Variants in LSAMP observed in about 807,000 individuals in gnomAD.
The protein encoded by LSAMP is limbic system associated membrane protein, also known as limbic system-associated membrane protein.
Under a neutral mutation model 38.6 loss-of-function variants are expected in LSAMP, and 7 were observed. That is an observed-to-expected ratio of 0.18 (90% CI 0.10 to 0.34). The LOEUF is 0.34. Among genes scored for constraint, LSAMP ranks in the 10% least tolerant of loss-of-function variants. LSAMP has a pLI of 1.00. For missense variants in LSAMP, 313 were observed against 420.0 expected, an observed-to-expected ratio of 0.75 and a Z score of 2.23; for synonymous variants, 154 against 166.8, an observed-to-expected ratio of 0.92 and a Z score of 0.59.
At chr3:116,336,451 C>T (rs1019436132) in intron 1 of LSAMP, among the ~76,000 whole-genome samples, 1 of 151,888 alleles carries the variant, frequency 6.6e-6, no homozygotes, top group African/African-American at 2.4e-5. Flanking sequence ...GGGCAACGAA[C>T]CTGAATAGAC....
intron 3 of LSAMP, among the ~76,000 whole-genome samples, chr3:115,858,164 TCA>T (rs760430702): frequency 9.5e-4 from 135 of 141,892 alleles, no homozygotes; most frequent in Non-Finnish European, 1.3e-3. Context: ...TCTCTCTCTC[TCA>T]CACACACACA....
chr3:116,377,227 C>T (rs1232262881), intron 1 of LSAMP, among the ~76,000 whole-genome samples: 2 of 151,990 alleles, frequency 1.3e-5, no homozygotes, highest in African/African-American at 4.8e-5. Flanking sequence ...GCTCTCCCTT[C>T]CCCAACCCCA....
At chr3:116,422,944 A>T (rs967769428) in intron 1 of LSAMP, among the ~76,000 whole-genome samples, 1 of 152,174 alleles carries the variant, frequency 6.6e-6, no homozygotes, top group Non-Finnish European at 1.5e-5. Context: ...TATCTTATTT[A>T]TGTATTGACA....
intron 1 of LSAMP, among the ~76,000 whole-genome samples, chr3:116,117,719 A>AT (rs1249169728): frequency 1.3e-5 from 2 of 151,866 alleles, no homozygotes; most frequent in Admixed American, 6.6e-5. Flanking sequence ...TATTTGTCTA[A>AT]TTTTTTTTCA....
chr3:115,972,195 T>G (rs944598602), intron 3 of LSAMP, among the ~76,000 whole-genome samples: 6 of 151,918 alleles, frequency 3.9e-5, no homozygotes, highest in African/African-American at 1.4e-4. Context: ...AAAACAATAT[T>G]GATAGCATGC....
intron 1 of LSAMP, among the ~76,000 whole-genome samples, chr3:116,424,812 T>C (rs977869277): frequency 6.6e-6 from 1 of 152,136 alleles, no homozygotes; most frequent in Non-Finnish European, 1.5e-5. Flanking sequence ...ACTCTACATA[T>C]AAGGAAAACT....
chr3:115,976,073 G>T (rs1939179657), intron 3 of LSAMP, among the ~76,000 whole-genome samples: 1 of 152,138 alleles, frequency 6.6e-6, no homozygotes, highest in Admixed American at 6.5e-5. Flanking sequence ...CACTCCAGGA[G>T]GCAATTGAAA....
intron 1 of LSAMP, among the ~76,000 whole-genome samples, chr3:116,400,115 A>T (rs963717073): frequency 6.6e-6 from 1 of 152,030 alleles, no homozygotes; most frequent in South Asian, 2.1e-4. Flanking sequence ...AAACCCCTAA[A>T]TTTCCTTGAT....
chr3:116,149,008 A>C (rs562280052), intron 1 of LSAMP, among the ~76,000 whole-genome samples: 6 of 152,136 alleles, frequency 3.9e-5, no homozygotes, highest in Admixed American at 6.6e-5. Flanking sequence ...TGATTGCACA[A>C]GATCATCTAT....
chr3:115,826,976 TA>T, intron 6 of LSAMP, among the ~76,000 whole-genome samples: 1 of 144,702 alleles, frequency 6.9e-6, no homozygotes, highest in Middle Eastern at 3.6e-3. Context: ...TTTTTTTTTT[TA>T]AGCACTGCTG....
Position 116,273,683 on chromosome 3 carries a change from C to CAGATATATATATATATATATATATAT in LSAMP, c.155+171193_155+171194insATATATATATATATATATATATATCT, listed in dbSNP as rs150705226. 2.3e-3 allele frequency among the ~76,000 whole-genome samples: 118 copies of CAGATATATATATATATATATATATAT among 50,390 alleles called. 26 individuals carry two copies. Among genetic ancestry groups the CAGATATATATATATATATATATATAT allele is most frequent in the African/African-American group, 0.012 (94 of 7,922 alleles). 33.1% of individuals were successfully genotyped at this position (50,390 alleles called of 152,430 possible). A position where few individuals can be genotyped will look rare whatever the true frequency, so the allele number is the denominator to read the frequency against. On this transcript the variant is annotated intron_variant, in intron 1 of 6. Coordinates refer to ENST00000490035, the MANE Select transcript of LSAMP (RefSeq NM_002338.5). ...GACCACCAAGAGAAAGAGAAAGAGG[C>CAGATATATATATATATATATATATAT]ATATATATATATATATATATATATA...
chr3:116,294,443 A>G (rs1042515207), intron 1 of LSAMP, among the ~76,000 whole-genome samples: 1 of 152,218 alleles, frequency 6.6e-6, no homozygotes, highest in Non-Finnish European at 1.5e-5. Flanking sequence ...CAGAAAAGTC[A>G]TTTTATAAAA....
At chr3:116,061,789 A>G (rs574587430) in intron 2 of LSAMP, among the ~76,000 whole-genome samples, 1 of 152,274 alleles carries the variant, frequency 6.6e-6, no homozygotes, top group South Asian at 2.1e-4. Context: ...TCACTGCTCT[A>G]TCCCCAGCAT....
chr3:116,295,825 G>T (rs920639111), intron 1 of LSAMP, among the ~76,000 whole-genome samples: 1 of 4,064 alleles, frequency 2.5e-4, no homozygotes. Context: ...GAGATACCCT[G>T]TGAGAAAACA....
chr3:115,885,757 T>G (rs1235099445), intron 3 of LSAMP, among the ~76,000 whole-genome samples: 1 of 151,732 alleles, frequency 6.6e-6, no homozygotes, highest in Non-Finnish European at 1.5e-5. Context: ...TGGCAAGGCT[T>G]AAGTTAGAGT....
At chr3:116,151,960 C>T (rs2107527840) in intron 1 of LSAMP, among the ~76,000 whole-genome samples, 1 of 152,168 alleles carries the variant, frequency 6.6e-6, no homozygotes, top group Non-Finnish European at 1.5e-5. Context: ...TAAGAATGTA[C>T]TTATATTTGT....
At chr3:116,236,101 T>C (rs2107633303) in intron 1 of LSAMP, among the ~76,000 whole-genome samples, 1 of 152,268 alleles carries the variant, frequency 6.6e-6, no homozygotes, top group South Asian at 2.1e-4. Flanking sequence ...TGAGACACAA[T>C]GGAGCCTGAT....
intron 1 of LSAMP, among the ~76,000 whole-genome samples, chr3:116,164,743 C>CAA (rs1710001495): frequency 5.0e-4 from 24 of 48,420 alleles, no homozygotes; most frequent in African/African-American, 1.9e-3. Flanking sequence ...TATATATATC[C>CAA]ATATATATAT....
chr3:116,022,694 A>T (rs1053722276), intron 2 of LSAMP, among the ~76,000 whole-genome samples: 2 of 152,188 alleles, frequency 1.3e-5, no homozygotes, highest in African/African-American at 4.8e-5. Context: ...GAGTTTGATC[A>T]CTTACCTCTG....
Sources: gnomAD v4.1 joint callset for allele counts (sites outside exome capture counted in the v4.1 genomes callset) on GRCh38, gnomAD v4.1.1 for gene constraint, MANE v1.5 for transcripts, NCBI Gene and HGNC (gene_info 2026-07-23, HGNC 2026-07-21) for gene names.